Variants in TMPRSS7 observed in about 807,000 individuals in gnomAD.
The protein encoded by TMPRSS7 is transmembrane serine protease 7, also known as transmembrane protease serine 7.
Under a neutral mutation model 95.6 loss-of-function variants are expected in TMPRSS7, and 81 were observed. The observed-to-expected ratio is 0.85, with a 90% CI of 0.71 to 1.02. The LOEUF is 1.02. TMPRSS7 is among the 50% of genes least tolerant of loss of function. The pLI, the probability that TMPRSS7 is intolerant of heterozygous loss-of-function variation, is 0.00. For synonymous variants in TMPRSS7, 364 were observed against 337.8 expected (o/e 1.08, Z -0.85); for missense variants, 945 against 955.2 (o/e 0.99, Z 0.14).
upstream of TMPRSS7, chr3:112,034,783 C>G: frequency 1.4e-6 from 1 of 700,976 alleles, no homozygotes; most frequent in Non-Finnish European, 2.6e-6. Context: ...CTCAAGAGAG[C>G]ATATAAGGGG....
chr3:112,069,921 T>C (rs771901405), intron 13 of TMPRSS7, among the ~76,000 whole-genome samples: 27 of 152,126 alleles, frequency 1.8e-4, no homozygotes, highest in Non-Finnish European at 8.8e-5. Context: ...TGTGATGTTA[T>C]GGTGTTGATT....
chr3:112,073,330 G>C (rs1374814469), intron 13 of TMPRSS7, among the ~76,000 whole-genome samples: 1 of 151,992 alleles, frequency 6.6e-6, no homozygotes, highest in Non-Finnish European at 1.5e-5. Context: ...CTGACCTCAG[G>C]CAATCCACCC....
chr3:112,050,264 G>T (rs542690237), intron 8 of TMPRSS7, among the ~76,000 whole-genome samples: 1 of 152,084 alleles, frequency 6.6e-6, no homozygotes, highest in Non-Finnish European at 1.5e-5. Flanking sequence ...CATCCCTAAG[G>T]CTGGGTGAAC....
chr3:112,035,547 G>A (rs1424264277), intron 1 of TMPRSS7, among the ~76,000 whole-genome samples: 1 of 152,236 alleles, frequency 6.6e-6, no homozygotes, highest in Non-Finnish European at 1.5e-5. Flanking sequence ...GAAGAGAAGA[G>A]TGAGGGAGAG....
At chr3:112,047,929 C>T (rs375977022) in exon 7 of TMPRSS7, 30 of 1,613,974 alleles carry the variant, frequency 1.9e-5, no homozygotes, top group East Asian at 1.1e-4. Context: ...TGACCATTTA[C>T]GACTCCCTTT....
Position 112,044,255 on chromosome 3 carries a change from A to G in TMPRSS7, c.430A>G (p.Ile144Val), listed in dbSNP as rs1292081294. ...AGATACCTCAACTATTCTTTTTCAG[A>G]TAAACCTGGTTTATACAACATCTGC... The change falls in exon 4 of 18, where the codon ATA (isoleucine) becomes GTA (valine). Residue 144 changes from isoleucine to valine, a missense_variant and splice_region_variant. Transcript: ENST00000452346. 20 of 1,548,756 alleles carry G rather than the reference A, an allele frequency of 1.3e-5. No homozygotes were observed. Among genetic ancestry groups the G allele is most frequent in the Non-Finnish European group, 1.6e-5 (18 of 1,144,686 alleles).
intron 10 of TMPRSS7, among the ~76,000 whole-genome samples, chr3:112,059,933 C>T (rs1000065862): frequency 6.6e-6 from 1 of 152,138 alleles, no homozygotes; most frequent in African/African-American, 2.4e-5. Context: ...AGGTCATTAC[C>T]TATTGGGGAA....
intron 15 of TMPRSS7, 28 bp downstream of exon 15, chr3:112,075,520 G>T: frequency 7.2e-7 from 1 of 1,381,534 alleles, no homozygotes; most frequent in Non-Finnish European, 9.5e-7. Context: ...TTACTTTCAA[G>T]TGGCACTCTG....
At chr3:112,054,864 C>A (rs1018949797) in intron 9 of TMPRSS7, among the ~76,000 whole-genome samples, 11 of 150,698 alleles carry the variant, frequency 7.3e-5, no homozygotes, top group Admixed American at 2.7e-4. Flanking sequence ...CTCAGCCTCC[C>A]GAGTAGGTGG....
At chr3:112,078,537 T>C (rs1215476234) in intron 16 of TMPRSS7, among the ~76,000 whole-genome samples, 5 of 152,356 alleles carry the variant, frequency 3.3e-5, no homozygotes, top group African/African-American at 4.8e-5. Context: ...TGTTACTTGC[T>C]AGTGGTGTGT....
intron 17 of TMPRSS7, among the ~76,000 whole-genome samples, chr3:112,079,300 T>C (rs1277627336): frequency 6.6e-6 from 1 of 152,246 alleles, no homozygotes; most frequent in Non-Finnish European, 1.5e-5. Context: ...TTTGTAGTTC[T>C]CTGGGTAGGC....
intron 2 of TMPRSS7, among the ~76,000 whole-genome samples, chr3:112,040,413 A>C (rs1044641225): frequency 3.9e-5 from 6 of 152,216 alleles, no homozygotes; most frequent in Non-Finnish European, 8.8e-5. Flanking sequence ...CATCCAGAGA[A>C]GGGTTCATGA....
intron 6 of TMPRSS7, chr3:112,047,445 A>G: frequency 1.7e-6 from 1 of 582,028 alleles, no homozygotes; most frequent in South Asian, 1.5e-5. Context: ...GGATTGACTG[A>G]CATGCCTATT....
intron 13 of TMPRSS7, among the ~76,000 whole-genome samples, chr3:112,067,653 C>A (rs2073593265): frequency 6.6e-6 from 1 of 152,172 alleles, no homozygotes; most frequent in Non-Finnish European, 1.5e-5. Flanking sequence ...TGTTCATATC[C>A]TTTGCCCACT....
At chr3:112,061,658 A>G in intron 10 of TMPRSS7, 129 bp from the exon 11 acceptor site, 1 of 981,074 alleles carries the variant, frequency 1.0e-6, no homozygotes, top group Admixed American at 2.5e-5. Flanking sequence ...AATAACTACC[A>G]TTAGCTCTAC....
intron 17 of TMPRSS7, among the ~76,000 whole-genome samples, chr3:112,079,714 A>G (rs1016630838): frequency 2.6e-5 from 4 of 152,202 alleles, no homozygotes; most frequent in African/African-American, 9.6e-5. Flanking sequence ...ATGATGCCAC[A>G]AAAACTCATC....
intron 10 of TMPRSS7, among the ~76,000 whole-genome samples, chr3:112,058,697 AG>A (rs1407284545): frequency 6.6e-6 from 1 of 152,186 alleles, no homozygotes; most frequent in African/African-American, 2.4e-5. Context: ...TGAAGGTGTA[AG>A]CCTGTGACGG....
At chr3:112,060,160 T>C (rs1175914405) in intron 10 of TMPRSS7, among the ~76,000 whole-genome samples, 1 of 152,126 alleles carries the variant, frequency 6.6e-6, no homozygotes. Context: ...GAATAGGGTG[T>C]GGGTCACAGA....
intron 15 of TMPRSS7, 124 bp from the exon 16 acceptor site, chr3:112,076,752 A>T: frequency 4.4e-6 from 5 of 1,144,894 alleles, no homozygotes; most frequent in Non-Finnish European, 6.2e-6. Flanking sequence ...AAAGCCAGTG[A>T]CTATAATAAC....
Sources: gnomAD v4.1 joint callset for allele counts (sites outside exome capture counted in the v4.1 genomes callset) on GRCh38, gnomAD v4.1.1 for gene constraint, MANE v1.5 for transcripts, NCBI Gene and HGNC (gene_info 2026-07-23, HGNC 2026-07-21) for gene names.